ADAMTSL1: variants seen among roughly 807,000 people sequenced by gnomAD.
ADAMTSL1 encodes the protein ADAMTS like 1.
In ADAMTSL1, 126 loss-of-function variants were observed where a neutral mutation model predicts 201.8. The ratio of observed to expected loss-of-function variants is 0.62; its 90% CI spans 0.54 to 0.72. The LOEUF is 0.72. ADAMTSL1 is among the 30% of genes least tolerant of loss of function. The pLI is 0.00. For synonymous variants in ADAMTSL1, 1,121 were observed against 903.4 expected, an observed-to-expected ratio of 1.24 and a Z score of -4.32; for missense variants, 2,679 against 2,277.8, an observed-to-expected ratio of 1.18 and a Z score of -3.59.
intron 2 of ADAMTSL1, among the ~76,000 whole-genome samples, chr9:18,529,801 T>G (rs1344704508): frequency 6.6e-6 from 1 of 152,098 alleles, no homozygotes; most frequent in East Asian, 1.9e-4. Flanking sequence ...AAAAGTAATA[T>G]ATTAAAGGGA....
At chr9:18,756,212 G>C (rs1819757561) in intron 16 of ADAMTSL1, among the ~76,000 whole-genome samples, 1 of 132,632 alleles carries the variant, frequency 7.5e-6, no homozygotes, top group Admixed American at 8.3e-5. Context: ...TCAGGAGGCA[G>C]AGGTTGCAGT....
intron 1 of ADAMTSL1, among the ~76,000 whole-genome samples, chr9:18,076,674 C>T (rs1823241430): frequency 6.6e-6 from 1 of 152,236 alleles, no homozygotes; most frequent in East Asian, 1.9e-4. Flanking sequence ...CTAATGTTGG[C>T]CAGTGTGGCA....
At chr9:18,225,894 C>G (rs1830418342) in intron 2 of ADAMTSL1, among the ~76,000 whole-genome samples, 1 of 152,048 alleles carries the variant, frequency 6.6e-6, no homozygotes, top group Non-Finnish European at 1.5e-5. Context: ...TTTGTGAATT[C>G]AAGGCCTGTA....
chr9:17,968,779 A>T (rs749781696), intron 1 of ADAMTSL1, among the ~76,000 whole-genome samples: 39 of 152,096 alleles, frequency 2.6e-4, no homozygotes, highest in Non-Finnish European at 5.3e-4. Context: ...GTTATTTTTA[A>T]AAGGTCTTTG....
chr9:18,536,125 G>A (rs538725309), intron 3 of ADAMTSL1, among the ~76,000 whole-genome samples: 10 of 151,940 alleles, frequency 6.6e-5, no homozygotes, highest in South Asian at 2.1e-4. Flanking sequence ...GCAGCATTGC[G>A]AAAAAACACA....
chr9:18,152,855 C>A (rs1208559252), intron 1 of ADAMTSL1, among the ~76,000 whole-genome samples: 1 of 152,014 alleles, frequency 6.6e-6, no homozygotes, highest in Admixed American at 6.6e-5. Context: ...AGACAGCTCT[C>A]ACATATTCTC....
At chr9:18,020,690 G>A (rs1308507213) in intron 1 of ADAMTSL1, among the ~76,000 whole-genome samples, 1 of 152,068 alleles carries the variant, frequency 6.6e-6, no homozygotes. Flanking sequence ...GATGAGATTT[G>A]GATGGAGACA....
intron 1 of ADAMTSL1, among the ~76,000 whole-genome samples, chr9:17,932,651 C>G (rs1826842725): frequency 6.6e-6 from 1 of 152,230 alleles, no homozygotes; most frequent in Non-Finnish European, 1.5e-5. Flanking sequence ...TTATCTCATT[C>G]ATTTCTAAAT....
chr9:18,334,217 C>T (rs1835140930), intron 2 of ADAMTSL1, among the ~76,000 whole-genome samples: 2 of 151,990 alleles, frequency 1.3e-5, no homozygotes, highest in Non-Finnish European at 2.9e-5. Flanking sequence ...CCTTTGGTCC[C>T]AGGAGTGCCA....
intron 1 of ADAMTSL1, among the ~76,000 whole-genome samples, chr9:17,954,838 G>A (rs1337100203): frequency 6.6e-6 from 1 of 152,144 alleles, no homozygotes; most frequent in African/African-American, 2.4e-5. Context: ...GTACAGGAAA[G>A]GTTCATGTTT....
chr9:18,662,200 G>A, intron 9 of ADAMTSL1, 127 bp downstream of exon 9: 1 of 1,262,652 alleles, frequency 7.9e-7, no homozygotes, highest in Non-Finnish European at 1.1e-6. Context: ...TTGCTGTCCA[G>A]TGTTCATTAC....
chr9:18,869,746 T>C (rs1481948811), intron 23 of ADAMTSL1, among the ~76,000 whole-genome samples: 2 of 152,212 alleles, frequency 1.3e-5, no homozygotes, highest in Non-Finnish European at 2.9e-5. Flanking sequence ...CTTTCAATAT[T>C]TTTTCTTTCT....
chr9:18,702,770 T>G (rs1211344208), intron 13 of ADAMTSL1, among the ~76,000 whole-genome samples: 2 of 152,162 alleles, frequency 1.3e-5, no homozygotes, highest in Non-Finnish European at 2.9e-5. Context: ...AAAAGAGTTT[T>G]TTTTTTTTTC....
chr9:18,882,853 GT>G lies in ADAMTSL1; in HGVS notation c.4250-4977del, dbSNP rs962163442. Among the ~76,000 whole-genome samples the G allele has an allele frequency of 5.5e-4, 83 of 152,166 alleles. 1 individual carries two copies. The highest frequency in any genetic ancestry group is 6.8e-3 in the Middle Eastern group (2 of 294). ...TACTAAAAAAATTAATTAGCTGTGT[GT>G]GGTGGCACATGCCTGTAATCCTAGC... On this transcript the variant is annotated intron_variant, in intron 23 of 28. Transcript: ENST00000380548.
chr9:18,299,021 A>AAAT lies in ADAMTSL1; in HGVS notation c.207+135060_207+135062dup, dbSNP rs1554652778. On this transcript the variant is annotated intron_variant, in intron 2 of 29. Coordinates refer to the ADAMTSL1 transcript ENST00000680146. ...AGCCAGACTCCGTCTCAAAAAAAAA[A>AAAT]AATAATAATAATAATAATAATAGCC... Among the ~76,000 whole-genome samples, 12 of 149,744 alleles carry AAAT rather than the reference A, an allele frequency of 8.0e-5. No homozygotes were observed. In the East Asian group the frequency reaches 9.9e-4, roughly 12 times the overall value.
chr9:17,967,326 A>G (rs147045996), intron 1 of ADAMTSL1, among the ~76,000 whole-genome samples: 1 of 152,176 alleles, frequency 6.6e-6, no homozygotes, highest in East Asian at 1.9e-4. Context: ...TTATTATTTT[A>G]TAGATAACTA....
intron 14 of ADAMTSL1, among the ~76,000 whole-genome samples, chr9:18,711,104 C>A (rs978244075): frequency 1.3e-5 from 2 of 152,152 alleles, no homozygotes; most frequent in Non-Finnish European, 2.9e-5. Context: ...AAATGATTTA[C>A]AAAAATTGTT....
chr9:18,142,875 C>T (rs2132012453), intron 1 of ADAMTSL1, among the ~76,000 whole-genome samples: 1 of 152,304 alleles, frequency 6.6e-6, no homozygotes, highest in African/African-American at 2.4e-5. Context: ...TAGCTAGTTT[C>T]TACCCTAAAC....
chr9:18,041,304 A>G lies in ADAMTSL1; in HGVS notation c.88-122558A>G, dbSNP rs1225271230. On this transcript the variant is annotated intron_variant, in intron 1 of 29. Transcript: ENST00000680146. ...GTGTGCAAGAAGTGAAGCAAGAACT[A>G]TTAATGTGTTAGTTGTATTAGAAGA... Among the ~76,000 whole-genome samples, 5 of 152,202 alleles carry G rather than the reference A, an allele frequency of 3.3e-5. No individual in the cohort carries two copies. The South Asian group carries it at 6.2e-4, about 19-fold the overall frequency.
Sources: allele counts gnomAD v4.1 joint callset (sites outside exome capture counted in the v4.1 genomes callset), GRCh38; gene constraint gnomAD v4.1.1; transcripts MANE v1.5; gene names NCBI Gene and HGNC (gene_info 2026-07-23, HGNC 2026-07-21).